LRRC4C: variants seen among roughly 807,000 people sequenced by gnomAD.
LRRC4C encodes the protein leucine-rich repeat-containing protein 4C.
Under a neutral mutation model 33.6 loss-of-function variants are expected in LRRC4C, and 5 were observed. That is an observed-to-expected ratio of 0.15 (90% CI 0.08 to 0.31). The LOEUF (loss-of-function observed/expected upper bound fraction) is 0.31, where lower values mean the gene tolerates loss of function less well. Ranked by LOEUF, LRRC4C falls within the 10% of genes least tolerant of loss-of-function variation. The probability of loss-of-function intolerance (pLI) is 1.00; values close to 1 mark genes in which losing one functional copy is unlikely to be tolerated. For synonymous variants in LRRC4C, 329 were observed against 302.0 expected (o/e 1.09, Z -0.93); for missense variants, 560 against 796.7 (o/e 0.70, Z 3.58).
chr11:41,093,927 C>CAA (rs56173087), intron 1 of LRRC4C, among the ~76,000 whole-genome samples: 1,934 of 58,132 alleles, frequency 0.033, 34 homozygotes, highest in Non-Finnish European at 0.039. Flanking sequence ...CCGTCTCCAC[C>CAA]AAAAAAAAAA....
intron 1 of LRRC4C, among the ~76,000 whole-genome samples, chr11:40,975,476 C>T (rs1306532602): frequency 6.6e-6 from 1 of 152,232 alleles, no homozygotes; most frequent in Non-Finnish European, 1.5e-5. Context: ...TGTCCAATTT[C>T]TCTTCATCCT....
chr11:41,418,146 C>T (rs1000525642), intron 1 of LRRC4C, among the ~76,000 whole-genome samples: 1 of 151,898 alleles, frequency 6.6e-6, no homozygotes, highest in Non-Finnish European at 1.5e-5. Flanking sequence ...AATACTGCCA[C>T]TTTAAGCAAT....
At chr11:40,509,763 T>C (rs1417685132) in intron 3 of LRRC4C, among the ~76,000 whole-genome samples, 5 of 152,172 alleles carry the variant, frequency 3.3e-5, no homozygotes, top group Admixed American at 3.3e-4. Context: ...TAAGCAACCA[T>C]TTATTTGAAA....
intron 3 of LRRC4C, among the ~76,000 whole-genome samples, chr11:40,524,715 A>C (rs1159479384): frequency 6.6e-6 from 1 of 152,180 alleles, no homozygotes; most frequent in Non-Finnish European, 1.5e-5. Flanking sequence ...AAGCTCATTC[A>C]ATTTGTTTGT....
chr11:41,095,510 T>C (rs1426533203), intron 1 of LRRC4C, among the ~76,000 whole-genome samples: 3 of 152,144 alleles, frequency 2.0e-5, no homozygotes, highest in South Asian at 4.1e-4. Context: ...AAAGGTAACT[T>C]ATGATTGGAA....
chr11:41,224,541 CA>C (rs1410922544), intron 1 of LRRC4C, among the ~76,000 whole-genome samples: 1 of 152,120 alleles, frequency 6.6e-6, no homozygotes, highest in Non-Finnish European at 1.5e-5. Context: ...CTAAGGAAGT[CA>C]AAACTTCCTT....
At chr11:40,442,694 A>T (rs1185290864) in intron 3 of LRRC4C, among the ~76,000 whole-genome samples, 1 of 152,218 alleles carries the variant, frequency 6.6e-6, no homozygotes, top group Non-Finnish European at 1.5e-5. Context: ...TATGGAGATC[A>T]TATAAGCTTT....
At chr11:41,085,721 T>C (rs1012082629) in intron 1 of LRRC4C, among the ~76,000 whole-genome samples, 67 of 152,130 alleles carry the variant, frequency 4.4e-4, no homozygotes, top group Admixed American at 4.2e-3. Context: ...TCAATGGCAT[T>C]AGCAAAATAT....
intron 1 of LRRC4C, among the ~76,000 whole-genome samples, chr11:41,319,097 C>T (rs545462073): frequency 2.0e-5 from 3 of 152,092 alleles, no homozygotes; most frequent in African/African-American, 2.4e-5. Context: ...GTCTTGAGGC[C>T]GCTTGTCTGA....
intron 1 of LRRC4C, among the ~76,000 whole-genome samples, chr11:41,032,747 T>C (rs1260994565): frequency 1.3e-5 from 2 of 152,008 alleles, no homozygotes. Flanking sequence ...CAAGCAGTAA[T>C]ACATTGCAAT....
At chr11:40,453,591 A>G (rs1030084257) in intron 3 of LRRC4C, among the ~76,000 whole-genome samples, 2 of 150,838 alleles carry the variant, frequency 1.3e-5, no homozygotes, top group Admixed American at 6.7e-5. Flanking sequence ...TTACCCTGAT[A>G]CCAAAACCAC....
chr11:40,856,377 T>C (rs1336084284), intron 2 of LRRC4C, among the ~76,000 whole-genome samples: 1 of 152,164 alleles, frequency 6.6e-6, no homozygotes, highest in Non-Finnish European at 1.5e-5. Context: ...ATATAAAATG[T>C]TGTGGAAGTA....
chr11:40,328,466 T>C (rs1946198762), intron 3 of LRRC4C, among the ~76,000 whole-genome samples: 2 of 152,212 alleles, frequency 1.3e-5, no homozygotes, highest in Non-Finnish European at 2.9e-5. Context: ...TTTTCATATT[T>C]GCCTTTAGCT....
intron 1 of LRRC4C, among the ~76,000 whole-genome samples, chr11:41,046,863 G>A (rs1267116149): frequency 6.6e-6 from 1 of 152,050 alleles, no homozygotes; most frequent in Non-Finnish European, 1.5e-5. Flanking sequence ...GACAGCTATT[G>A]ACTATAAGAG....
intron 2 of LRRC4C, among the ~76,000 whole-genome samples, chr11:40,870,533 A>G: frequency 6.6e-6 from 1 of 152,178 alleles, no homozygotes. Context: ...GATTTCATGG[A>G]CATTTATTAG....
At chr11:40,781,374 T>G (rs946252136) in intron 2 of LRRC4C, among the ~76,000 whole-genome samples, 29 of 152,092 alleles carry the variant, frequency 1.9e-4, no homozygotes, top group African/African-American at 6.0e-4. Context: ...TATCAACCAA[T>G]TAAGAAATTG....
At chr11:40,356,504 G>A (rs1433822844) in intron 3 of LRRC4C, among the ~76,000 whole-genome samples, 1 of 152,250 alleles carries the variant, frequency 6.6e-6, no homozygotes, top group East Asian at 1.9e-4. Flanking sequence ...TCAATGTCTG[G>A]CCGCTAAGGG....
chr11:41,394,766 C>T (rs1401836846), intron 1 of LRRC4C: 2 of 151,948 alleles, frequency 1.3e-5, no homozygotes, highest in African/African-American at 4.8e-5. Context: ...GTTCTTTTTA[C>T]TCTTTGATTG....
chr11:40,451,627 C>T (rs1265642994), intron 3 of LRRC4C, among the ~76,000 whole-genome samples: 1 of 151,784 alleles, frequency 6.6e-6, no homozygotes, highest in African/African-American at 2.4e-5. Flanking sequence ...CCTCATGGTC[C>T]ACCCGCCTTG....
Sources: allele counts gnomAD v4.1 joint callset (sites outside exome capture counted in the v4.1 genomes callset), GRCh38; gene constraint gnomAD v4.1.1; transcripts MANE v1.5; gene names NCBI Gene and HGNC (gene_info 2026-07-23, HGNC 2026-07-21).